The following FBXL4 variants were observed in gnomAD, a reference collection of about 807,000 sequenced individuals.
The protein encoded by FBXL4 is F-box and leucine rich repeat protein 4.
Under a neutral mutation model 58.9 loss-of-function variants are expected in FBXL4, and 40 were observed. That is an observed-to-expected ratio of 0.68 (90% CI 0.53 to 0.88). FBXL4 has a LOEUF of 0.88. Ranked by LOEUF, FBXL4 falls within the 40% of genes least tolerant of loss-of-function variation. FBXL4 has a pLI of 0.00. For missense variants in FBXL4, 676 were observed against 734.4 expected, an observed-to-expected ratio of 0.92 and a Z score of 0.92; for synonymous variants, 263 against 265.5, an observed-to-expected ratio of 0.99 and a Z score of 0.09.
intron 1 of FBXL4, among the ~76,000 whole-genome samples, chr6:98,940,966 A>C (rs1041196022): frequency 2.0e-5 from 3 of 152,158 alleles, no homozygotes; most frequent in African/African-American, 7.2e-5. Flanking sequence ...AAACATTTCT[A>C]GTGGGAATGC....
chr6:98,936,521 CCT>C (rs1773224765), intron 1 of FBXL4, among the ~76,000 whole-genome samples: 1 of 152,186 alleles, frequency 6.6e-6, no homozygotes. Context: ...CCTCTTCCTC[CCT>C]CTTAGTCTAT....
chr6:98,931,139 A>G (rs1407975611), intron 2 of FBXL4, among the ~76,000 whole-genome samples: 3 of 152,208 alleles, frequency 2.0e-5, no homozygotes, highest in Non-Finnish European at 4.4e-5. Context: ...AATTGCTTCA[A>G]CTAAGCTCCT....
At chr6:98,909,206 T>A (rs1771935281) in intron 5 of FBXL4, among the ~76,000 whole-genome samples, 1 of 152,226 alleles carries the variant, frequency 6.6e-6, no homozygotes, top group Admixed American at 6.5e-5. Flanking sequence ...TGGACCACCC[T>A]GAAGATCACT....
At chr6:98,886,138 G>A (rs184923631) in intron 7 of FBXL4, among the ~76,000 whole-genome samples, 8 of 152,302 alleles carry the variant, frequency 5.3e-5, no homozygotes, top group East Asian at 3.9e-4. Context: ...CACAGAAAAC[G>A]TGTGAGATAA....
Position 98,875,424 on chromosome 6 carries a change from C to A in FBXL4, c.1693G>T (p.Asp565Tyr). 6.2e-7 allele frequency: 1 copy of A among 1,613,830 alleles called. No homozygotes were observed. The highest frequency in any genetic ancestry group is 1.1e-5 in the South Asian group (1 of 91,076). The change falls in exon 9 of 10, where the codon GAC (aspartate) becomes TAC (tyrosine). Residue 565 changes from aspartate to tyrosine, a missense_variant. Asp to Tyr is a radical substitution (Grantham distance 160). Coordinates refer to ENST00000369244, the MANE Select transcript of FBXL4 (RefSeq NM_001278716.2). ...ACNCTRLQQLDILGTRMVSPA... is the reference protein window; with the variant it reads ...ACNCTRLQQLYILGTRMVSPA... The stretch of plus-strand genomic sequence containing the variant: ...TATATTGTAACCTTACCTAATATGT[C>A]CAGCTGCTGTAACCTGGTACAATTA...
intron 7 of FBXL4, among the ~76,000 whole-genome samples, chr6:98,887,839 G>GTAGCA (rs1488623740): frequency 6.6e-6 from 1 of 152,192 alleles, no homozygotes; most frequent in Non-Finnish European, 1.5e-5. Context: ...GGGCTGACAG[G>GTAGCA]TAGCACTGAG....
intron 8 of FBXL4, among the ~76,000 whole-genome samples, chr6:98,880,345 C>T (rs1318607323): frequency 6.6e-6 from 1 of 152,148 alleles, no homozygotes; most frequent in African/African-American, 2.4e-5. Context: ...TACTTCTTTC[C>T]TTGCTCTCAT....
intron 9 of FBXL4, 31 bp from the exon 10 acceptor site, chr6:98,874,472 A>T (rs1217536539): frequency 6.3e-7 from 1 of 1,589,864 alleles, no homozygotes; most frequent in Non-Finnish European, 8.5e-7. Context: ...AAAACAAAAC[A>T]AAACACCTTA....
chr6:98,911,011 G>A lies in FBXL4; in HGVS notation c.859-5341C>T, dbSNP rs151168819. On this transcript the variant is annotated intron_variant, in intron 5 of 9. Coordinates refer to ENST00000369244, the MANE Select transcript of FBXL4 (RefSeq NM_001278716.2). ...TTTTCCGAAGGCCTTAGGAAACGGC[G>A]CACCAGGAGATTATATCCCGCACCT... is the stretch of plus-strand genomic sequence containing the variant. 5.8e-4 allele frequency among the ~76,000 whole-genome samples: 88 copies of A among 152,300 alleles called. 9 individuals carry two copies. In the East Asian group the frequency reaches 0.017, roughly 29 times the overall value.
chr6:98,890,761 G>C (rs969038794), intron 7 of FBXL4, among the ~76,000 whole-genome samples: 3 of 151,814 alleles, frequency 2.0e-5, no homozygotes, highest in Admixed American at 2.0e-4. Flanking sequence ...CCTACTAAAA[G>C]TATAAAAATC....
chr6:98,932,916 A>G (rs1367790215), intron 2 of FBXL4, among the ~76,000 whole-genome samples: 2 of 152,136 alleles, frequency 1.3e-5, no homozygotes, highest in African/African-American at 4.8e-5. Flanking sequence ...CATAGAAAAA[A>G]AAAAAAAAAG....
At chr6:98,938,797 C>T (rs1048325931) in intron 1 of FBXL4, among the ~76,000 whole-genome samples, 1 of 151,754 alleles carries the variant, frequency 6.6e-6, no homozygotes, top group Non-Finnish European at 1.5e-5. Flanking sequence ...CAAAACCTGA[C>T]TGAGGCTGGG....
chr6:98,921,317 G>C (rs1271085750), intron 4 of FBXL4, among the ~76,000 whole-genome samples: 1 of 151,806 alleles, frequency 6.6e-6, no homozygotes, highest in Non-Finnish European at 1.5e-5. Flanking sequence ...ACCAAAGAAA[G>C]CAAGTTTTCT....
intron 7 of FBXL4, chr6:98,898,361 C>CCT (rs1189390859): frequency 1.0e-6 from 1 of 985,274 alleles, no homozygotes; most frequent in Non-Finnish European, 1.2e-6. Flanking sequence ...AGCAATACCA[C>CCT]CTCTAGGACT....
At chr6:98,920,855 C>CACAT (rs1466849345) in intron 4 of FBXL4, among the ~76,000 whole-genome samples, 113 of 148,374 alleles carry the variant, frequency 7.6e-4, no homozygotes, top group African/African-American at 2.5e-3. Context: ...CACACACACA[C>CACAT]ATTCTGGAGA....
At chr6:98,907,841 T>G (rs1454548357) in intron 5 of FBXL4, among the ~76,000 whole-genome samples, 1 of 152,146 alleles carries the variant, frequency 6.6e-6, no homozygotes, top group African/African-American at 2.4e-5. Flanking sequence ...AACAACAACA[T>G]GATCTTTAAA....
intron 3 of FBXL4, 84 bp from the exon 4 acceptor site, chr6:98,927,144 C>A: frequency 1.6e-6 from 1 of 617,020 alleles, no homozygotes; most frequent in Non-Finnish European, 2.7e-6. Context: ...AGGCTCTACC[C>A]TCAATGTAAT....
At chr6:98,916,236 A>C (rs1720195873) in intron 5 of FBXL4, among the ~76,000 whole-genome samples, 2 of 152,092 alleles carry the variant, frequency 1.3e-5, no homozygotes, top group South Asian at 4.1e-4. Flanking sequence ...AAACTAGTTC[A>C]ACCATTGTGG....
chr6:98,910,852 G>A (rs1297206266), intron 5 of FBXL4, among the ~76,000 whole-genome samples: 1 of 152,182 alleles, frequency 6.6e-6, no homozygotes, highest in Non-Finnish European at 1.5e-5. Context: ...AGCGCACCGT[G>A]CGCCAGCCGA....
Sources: allele counts gnomAD v4.1 joint callset (sites outside exome capture counted in the v4.1 genomes callset), GRCh38; gene constraint gnomAD v4.1.1; transcripts MANE v1.5; gene names NCBI Gene and HGNC (gene_info 2026-07-23, HGNC 2026-07-21).